The following NOL3 variants were observed in gnomAD, a reference collection of about 807,000 sequenced individuals.
The protein encoded by NOL3 is nucleolar protein 3.
NOL3 carries 18 observed loss-of-function variants against 19.2 expected under a neutral mutation model. The observed-to-expected ratio is 0.94, with a 90% CI of 0.65 to 1.39. The LOEUF (loss-of-function observed/expected upper bound fraction) is 1.39, where lower values mean the gene tolerates loss of function less well. Ranked by LOEUF, NOL3 falls within the 40% of genes most tolerant of loss-of-function variation. The pLI is 0.00. For missense variants in NOL3, 290 were observed against 289.5 expected (o/e 1.00, Z -0.01); for synonymous variants, 127 against 137.3 (o/e 0.93, Z 0.52).
intron 2 of NOL3, 60 bp downstream of exon 2, chr16:67,174,524 C>T (rs1251495108): frequency 2.0e-6 from 3 of 1,468,640 alleles, no homozygotes; most frequent in Non-Finnish European, 2.7e-6. Context: ...AGACAAAAGG[C>T]CCGGGGAGGG....
intron 1 of NOL3, chr16:67,173,727 C>G (rs544090817): frequency 4.9e-5 from 35 of 711,092 alleles, no homozygotes; most frequent in Non-Finnish European, 7.1e-5. Context: ...CAGCATCAAT[C>G]CTAGGTTTTT....
chr16:67,172,014 C>T (rs1053140213), intron 1 of NOL3: 1 of 152,174 alleles, frequency 6.6e-6, no homozygotes, highest in African/African-American at 2.4e-5. Flanking sequence ...TATAGTGTGA[C>T]ACCAGAGGGT....
intron 1 of NOL3, among the ~76,000 whole-genome samples, chr16:67,172,257 G>C (rs773717023): frequency 6.6e-6 from 1 of 152,128 alleles, no homozygotes; most frequent in Non-Finnish European, 1.5e-5. Flanking sequence ...CCTAATGCCG[G>C]GGGTCTTGCT....
rs754110394 is a variant in NOL3 at position 67,175,039 on chromosome 16, A to G, written c.620-8A>G. The G allele has an allele frequency of 1.9e-6, 3 of 1,614,066 alleles. No individual in the cohort carries two copies. The highest frequency in any genetic ancestry group is 2.5e-6 in the Non-Finnish European group (3 of 1,179,994). On this transcript the variant is annotated splice_polypyrimidine_tract_variant and splice_region_variant and intron_variant, in intron 3 of 3. Transcript: ENST00000268605. ...CACCTCTTTGACCACTGTTCCCGTC[A>G]TCTCTAGATTCCTGAAGGCCAGAGC... is the stretch of plus-strand genomic sequence containing the variant.
intron 1 of NOL3, chr16:67,173,667 T>C: frequency 1.7e-6 from 1 of 590,894 alleles, no homozygotes; most frequent in Non-Finnish European, 3.0e-6. Flanking sequence ...GAGAGAAATA[T>C]TCAGCAGTCA....
At chr16:67,172,337 G>A (rs183155040) in intron 1 of NOL3, among the ~76,000 whole-genome samples, 16 of 152,306 alleles carry the variant, frequency 1.1e-4, no homozygotes, top group Middle Eastern at 3.4e-3. Flanking sequence ...AAGCAGCTGG[G>A]TGCGGTGGCT....
intron 1 of NOL3, among the ~76,000 whole-genome samples, chr16:67,173,186 G>A (rs2031877749): frequency 6.6e-6 from 1 of 151,922 alleles, no homozygotes; most frequent in Non-Finnish European, 1.5e-5. Context: ...TATCCTGTAT[G>A]AGCTAGGCCT....
At chr16:67,174,589 T>C (rs1448551888) in intron 2 of NOL3, 32 bp from the exon 3 acceptor site, 1 of 1,517,380 alleles carries the variant, frequency 6.6e-7, no homozygotes, top group African/African-American at 1.4e-5. Flanking sequence ...CAGGGGTAAA[T>C]TGAGCCTCAG....
rs547527003 is a variant in NOL3, at chr16:67,173,910, G to A, written c.-8-252G>A. ...AGGCAGGGGAGGAGAGGAGAGCCAC[G>A]GCTGACGCTTGGGGACAGAAGGAGG... On this transcript the variant is annotated intron_variant, in intron 1 of 3. Coordinates refer to ENST00000268605, the Ensembl canonical transcript of NOL3. The A allele has an allele frequency of 2.6e-4, 395 of 1,536,058 alleles. No individual in the cohort carries two copies. In the African/African-American group the frequency reaches 4.9e-3, roughly 19 times the overall value.
At chr16:67,175,189 C>T (rs1416915547) in exon 4 of NOL3, 6 of 1,558,360 alleles carry the variant, frequency 3.9e-6, no homozygotes, top group East Asian at 2.3e-5. Flanking sequence ...GAGGGTCGGA[C>T]GGGACCTGGG....
intron 1 of NOL3, among the ~76,000 whole-genome samples, chr16:67,172,608 CAAA>C (rs5817617): frequency 1.5e-4 from 18 of 120,154 alleles, no homozygotes; most frequent in Admixed American, 2.6e-4. Flanking sequence ...GAGACTCTGT[CAAA>C]AAAAAAAAAA....
chr16:67,175,064 C>T (rs1442385152), exon 4 of NOL3: 1 of 1,614,252 alleles, frequency 6.2e-7, no homozygotes. Context: ...AAGGCCAGAG[C>T]TCTGACAGGC....
chr16:67,175,101 C>G, exon 4 of NOL3: 5 of 1,614,188 alleles, frequency 3.1e-6, no homozygotes, highest in Non-Finnish European at 3.4e-6. Context: ...TGGATAGGAC[C>G]TGGGATGCTG....
At chr16:67,173,651 G>A in intron 1 of NOL3, 1 of 582,618 alleles carries the variant, frequency 1.7e-6, no homozygotes, top group Admixed American at 3.1e-5. Context: ...AAGTGGTGAG[G>A]ATGGTGAGAG....
At chr16:67,175,302 C>T (rs1018576770) in exon 4 of NOL3, 5 of 1,417,344 alleles carry the variant, frequency 3.5e-6, no homozygotes, top group African/African-American at 2.9e-5. Context: ...TCATCCAGTC[C>T]TCAGCCCTAA....
chr16:67,174,192 C>A (rs978489271), exon 2 of NOL3: 1 of 1,611,264 alleles, frequency 6.2e-7, no homozygotes, highest in East Asian at 2.2e-5. Context: ...CAGGAGCGGC[C>A]GTCAGAGACT....
chr16:67,173,905 G>A (rs1413852644), intron 1 of NOL3: 6 of 1,536,000 alleles, frequency 3.9e-6, no homozygotes, highest in East Asian at 4.9e-5. Context: ...GGAGAGGAGA[G>A]CCACGGCTGA....
chr16:67,174,082 G>A (rs534805822), intron 1 of NOL3, 80 bp from the exon 2 acceptor site: 8 of 1,592,358 alleles, frequency 5.0e-6, no homozygotes, highest in South Asian at 2.3e-5. Flanking sequence ...TTCACTGGGG[G>A]CATTGAGGGA....
chr16:67,175,190 G>C, exon 4 of NOL3: 2 of 1,557,542 alleles, frequency 1.3e-6, no homozygotes, highest in Non-Finnish European at 1.7e-6. Context: ...AGGGTCGGAC[G>C]GGACCTGGGC....
Sources: gnomAD v4.1 joint callset for allele counts (sites outside exome capture counted in the v4.1 genomes callset) on GRCh38, gnomAD v4.1.1 for gene constraint, MANE v1.5 for transcripts, NCBI Gene and HGNC (gene_info 2026-07-23, HGNC 2026-07-21) for gene names.